Variants in ZBTB20 observed in about 807,000 individuals in gnomAD.
The protein encoded by ZBTB20 is zinc finger and BTB domain containing 20.
A neutral mutation model predicts 56.9 loss-of-function variants in ZBTB20; 9 were observed. That is an observed-to-expected ratio of 0.16 (90% confidence interval 0.10 to 0.28). ZBTB20 has a LOEUF of 0.28. Among genes scored for constraint, ZBTB20 ranks in the 10% least tolerant of loss-of-function variants. The probability of loss-of-function intolerance (pLI) is 1.00; values close to 1 mark genes in which losing one functional copy is unlikely to be tolerated. For synonymous variants in ZBTB20, 417 were observed against 420.7 expected (o/e 0.99, Z 0.11); for missense variants, 655 against 1,003.0 (o/e 0.65, Z 4.69).
chr3:114,493,066 T>A (rs949770302), intron 7 of ZBTB20, among the ~76,000 whole-genome samples: 1 of 152,202 alleles, frequency 6.6e-6, no homozygotes, highest in African/African-American at 2.4e-5. Flanking sequence ...TCCACAAGTA[T>A]GTTCTCAATC....
At chr3:114,412,618 C>A (rs2088087433) in intron 7 of ZBTB20, among the ~76,000 whole-genome samples, 1 of 152,100 alleles carries the variant, frequency 6.6e-6, no homozygotes, top group African/African-American at 2.4e-5. Flanking sequence ...GATGCTAGCA[C>A]AGAGGCAAGC....
intron 3 of ZBTB20, among the ~76,000 whole-genome samples, chr3:114,905,108 T>C (rs981813089): frequency 1.3e-5 from 2 of 151,942 alleles, no homozygotes; most frequent in Non-Finnish European, 2.9e-5. Context: ...ATTCTAATTG[T>C]CCTATAATCC....
chr3:114,888,557 C>A (rs1195942532), intron 4 of ZBTB20, among the ~76,000 whole-genome samples: 1 of 152,078 alleles, frequency 6.6e-6, no homozygotes, highest in Non-Finnish European at 1.5e-5. Flanking sequence ...TCCTGAAGAA[C>A]TTGATTCAGA....
intron 4 of ZBTB20, among the ~76,000 whole-genome samples, chr3:114,879,540 C>G (rs1364692428): frequency 6.6e-6 from 1 of 152,156 alleles, no homozygotes; most frequent in Non-Finnish European, 1.5e-5. Context: ...GAACCTGACC[C>G]TGACCTTCAA....
At chr3:114,983,345 T>C (rs984962473) in intron 2 of ZBTB20, among the ~76,000 whole-genome samples, 16 of 152,016 alleles carry the variant, frequency 1.1e-4, no homozygotes, top group African/African-American at 3.9e-4. Flanking sequence ...GTTAAATTCA[T>C]AGTGAACTCA....
chr3:114,986,019 T>G lies in ZBTB20; in HGVS notation c.-506-11603A>C, dbSNP rs192651650. 1.6e-4 allele frequency among the ~76,000 whole-genome samples: 24 copies of G among 152,192 alleles called. No individual in the cohort carries two copies. In the East Asian group the frequency reaches 4.5e-3, roughly 28 times the overall value. On this transcript the variant is annotated intron_variant, in intron 2 of 11. Coordinates refer to ENST00000675478, the MANE Select transcript of ZBTB20 (RefSeq NM_001348800.3). ...GGGGTGGGATGCATTTGGCAAACCC[T>G]GATCTAACCCATCAGTGAAGCCTCC...
intron 1 of ZBTB20, among the ~76,000 whole-genome samples, chr3:115,120,326 C>T (rs2108644825): frequency 6.6e-6 from 1 of 152,004 alleles, no homozygotes; most frequent in African/African-American, 2.4e-5. Context: ...TTGCTGTGAA[C>T]CTACAATTGC....
intron 6 of ZBTB20, among the ~76,000 whole-genome samples, chr3:114,533,029 G>A (rs961546797): frequency 1.3e-5 from 2 of 152,156 alleles, no homozygotes; most frequent in Non-Finnish European, 2.9e-5. Flanking sequence ...CCACAAAGAT[G>A]AGGAAAAACC....
intron 5 of ZBTB20, among the ~76,000 whole-genome samples, chr3:114,713,744 C>A (rs1309980790): frequency 6.6e-6 from 1 of 152,098 alleles, no homozygotes; most frequent in Non-Finnish European, 1.5e-5. Context: ...ACTTTTGAGG[C>A]TCCATTTCTT....
rs910537549 is a variant in ZBTB20 at position 115,030,749 on chromosome 3, T to C, written c.-507+40470A>G. ...GAGTCACCCTAGAGTATTCTAGGTA[T>C]ATATTGATATTCCTAAAAATCTAAA... is the stretch of plus-strand genomic sequence containing the variant. On this transcript the variant is annotated intron_variant, in intron 2 of 11. Transcript: ENST00000675478. Among the ~76,000 whole-genome samples the C allele has an allele frequency of 2.6e-5, 4 of 151,300 alleles. No individual in the cohort carries two copies. The South Asian group carries it at 8.3e-4, about 31-fold the overall frequency.
In ZBTB20 at chr3:114,514,340, C is replaced by T. The variant is rs6773613; in HGVS notation, c.-294-13949G>A. Among the ~76,000 whole-genome samples, 1,403 of 152,182 alleles carry T rather than the reference C, an allele frequency of 9.2e-3. 23 individuals carry two copies. The highest frequency in any genetic ancestry group is 0.031 in the African/African-American group (1,289 of 41,518). On this transcript the variant is annotated intron_variant, in intron 6 of 11. Coordinates refer to ENST00000675478, the MANE Select transcript of ZBTB20 (RefSeq NM_001348800.3). The stretch of plus-strand genomic sequence containing the variant: ...ACTACTAAACCTTGTATATTATGTT[C>T]ATCTCAGTCCACTCAAGCAAGTAAA...
At chr3:114,919,756 T>C (rs115377594) in intron 3 of ZBTB20, among the ~76,000 whole-genome samples, 3,009 of 150,666 alleles carry the variant, frequency 0.02, 38 homozygotes, top group South Asian at 0.034. Flanking sequence ...CAAATGGCAA[T>C]AGTAAGTCCT....
At chr3:114,865,570 C>T (rs1500880) in intron 4 of ZBTB20, among the ~76,000 whole-genome samples, 114,648 of 151,932 alleles carry the variant, frequency 0.75, 47,467 homozygotes, top group East Asian at 0.99. Context: ...TTTGAAGACA[C>T]TTACAATTAT....
chr3:114,612,279 G>A (rs1560035576), intron 6 of ZBTB20, among the ~76,000 whole-genome samples: 1 of 152,054 alleles, frequency 6.6e-6, no homozygotes, highest in East Asian at 1.9e-4. Context: ...TTTCGTTATT[G>A]CTCATGTTGG....
chr3:114,948,269 AAAC>A (rs1354688369), intron 3 of ZBTB20, among the ~76,000 whole-genome samples: 2 of 145,554 alleles, frequency 1.4e-5, no homozygotes, highest in South Asian at 2.1e-4. Context: ...AACACACATA[AAAC>A]AACAACACCA....
intron 5 of ZBTB20, among the ~76,000 whole-genome samples, chr3:114,694,228 T>G (rs573059152): frequency 6.6e-6 from 1 of 152,100 alleles, no homozygotes; most frequent in Non-Finnish European, 1.5e-5. Context: ...TGCGAAGTCA[T>G]AGAACAACAA....
rs115864552 is a variant in ZBTB20 at position 115,045,430 on chromosome 3, C to T, written c.-507+25789G>A. On this transcript the variant is annotated intron_variant, in intron 2 of 11. Coordinates refer to ENST00000675478, the MANE Select transcript of ZBTB20 (RefSeq NM_001348800.3). ...ATTTTTATAAGTAAGATGCTGATTT[C>T]ATTTTAATTAAACAAATAAAAAGTC... 2.6e-3 allele frequency among the ~76,000 whole-genome samples: 401 copies of T among 152,012 alleles called. 3 individuals are homozygous for T. The highest frequency in any genetic ancestry group is 6.1e-3 in the Admixed American group (93 of 15,276).
intron 6 of ZBTB20, among the ~76,000 whole-genome samples, chr3:114,629,845 G>T (rs1331967552): frequency 6.6e-6 from 1 of 152,174 alleles, no homozygotes; most frequent in East Asian, 1.9e-4. Context: ...AAGAAGTAAA[G>T]AATACTTTAA....
At chr3:114,826,962 T>G (rs1187609840) in intron 4 of ZBTB20, among the ~76,000 whole-genome samples, 5 of 151,692 alleles carry the variant, frequency 3.3e-5, no homozygotes, top group Non-Finnish European at 1.5e-5. Flanking sequence ...ATGCTATATT[T>G]GTGTCATGCT....
Sources: allele counts gnomAD v4.1 joint callset (sites outside exome capture counted in the v4.1 genomes callset), GRCh38; gene constraint gnomAD v4.1.1; transcripts MANE v1.5; gene names NCBI Gene and HGNC (gene_info 2026-07-23, HGNC 2026-07-21).